GFRA2: variants seen among roughly 807,000 people sequenced by gnomAD.
GFRA2 encodes the protein GDNF family receptor alpha 2.
In GFRA2, 17 loss-of-function variants were observed where a neutral mutation model predicts 48.3. That is an observed-to-expected ratio of 0.35 (90% CI 0.24 to 0.53). The LOEUF (loss-of-function observed/expected upper bound fraction) is 0.53. GFRA2 is among the 20% of genes least tolerant of loss of function. GFRA2 has a pLI of 0.93. For missense variants in GFRA2, 660 were observed against 637.3 expected, an observed-to-expected ratio of 1.04 and a Z score of -0.38; for synonymous variants, 305 against 257.2, an observed-to-expected ratio of 1.19 and a Z score of -1.78.
At position 21,750,749 on chromosome 8, in the gene GFRA2, C is replaced by T; in HGVS notation, c.633G>A (p.Val211=). 6.2e-7 allele frequency: 1 copy of T among 1,613,992 alleles called. No individual in the cohort carries two copies. Among genetic ancestry groups the T allele is most frequent in the Non-Finnish European group, 8.5e-7 (1 of 1,179,900 alleles). Residue 211 remains valine (V), a synonymous_variant, in exon 4 of 9, where the codon GTG becomes GTA. Coordinates refer to ENST00000524240, the MANE Select transcript of GFRA2 (RefSeq NM_001495.5). The surrounding 1 kb of genome is among the most constrained non-coding windows in gnomAD (Gnocchi z 5.7). The part of the protein sequence containing the change: ...HKALRQFFDR[V]PSEYTYRMLF... ...GCATGCGGTAGGTGTACTCGCTGGG[C>T]ACCCGGTCGAAGAACTGGCGCAGGG...
At chr8:21,700,459 A>G (rs555871331) in intron 7 of GFRA2, among the ~76,000 whole-genome samples, 4 of 152,310 alleles carry the variant, frequency 2.6e-5, no homozygotes, top group South Asian at 2.1e-4. Context: ...AGACTCCCAC[A>G]GCCCCACTGA....
chr8:21,754,509 T>C (rs10112055), intron 3 of GFRA2, among the ~76,000 whole-genome samples: 13 of 143,402 alleles, frequency 9.1e-5, no homozygotes, highest in African/African-American at 1.8e-4. Flanking sequence ...TTTTTTCTTT[T>C]TTTTTTTTTT....
At chr8:21,712,163 T>C (rs1334152805) in intron 4 of GFRA2, among the ~76,000 whole-genome samples, 3 of 151,754 alleles carry the variant, frequency 2.0e-5, no homozygotes, top group Admixed American at 1.3e-4. Flanking sequence ...AAACCGCCAT[T>C]GTCATCATGG....
At chr8:21,729,141 G>A (rs900784770) in intron 4 of GFRA2, among the ~76,000 whole-genome samples, 2 of 152,078 alleles carry the variant, frequency 1.3e-5, no homozygotes, top group Non-Finnish European at 2.9e-5. Context: ...AAACCTCTCC[G>A]CCTGGTTCTG....
chr8:21,769,142 A>G (rs1806319816), intron 3 of GFRA2: 1 of 982,150 alleles, frequency 1.0e-6, no homozygotes, highest in Non-Finnish European at 1.2e-6. Context: ...CAGTGAGGAC[A>G]CAGGTCTGAT....
At chr8:21,790,184 C>A, upstream of GFRA2, 1 of 789,942 alleles carries the variant, frequency 1.3e-6, no homozygotes, top group Non-Finnish European at 1.5e-6. Context: ...CCGGCGAGAG[C>A]GGGAGAGGCG....
chr8:21,758,013 G>A (rs1439115359), intron 3 of GFRA2, among the ~76,000 whole-genome samples: 1 of 152,098 alleles, frequency 6.6e-6, no homozygotes, highest in Non-Finnish European at 1.5e-5. Flanking sequence ...CTCGGAGGGG[G>A]AAGTCACCGG....
chr8:21,699,344 G>A (rs1194759645), intron 7 of GFRA2, among the ~76,000 whole-genome samples: 4 of 152,212 alleles, frequency 2.6e-5, no homozygotes, highest in Non-Finnish European at 5.9e-5. Context: ...GGGCCTTGGG[G>A]CAGTCTCTCA....
Position 21,693,147 on chromosome 8 carries a change from T to C in GFRA2, c.*131A>G, listed in dbSNP as rs937874340. 11 of 809,754 alleles carry C rather than the reference T, an allele frequency of 1.4e-5. No homozygotes were observed. In the Admixed American group the frequency reaches 2.6e-4, roughly 19 times the overall value. The allele number at this position is 809,754 out of a possible 1,614,324, so 50.2% of individuals were successfully genotyped here. On this transcript the variant is annotated 3_prime_UTR_variant, in exon 9 of 9. Coordinates refer to ENST00000524240, the MANE Select transcript of GFRA2 (RefSeq NM_001495.5). ...GAGAAGAAACCTGGGAGGAGACAGGTTCAGCGACAAGGTGGGAAAAACAAT... is the reference window on the plus strand; with the variant it reads ...GAGAAGAAACCTGGGAGGAGACAGGCTCAGCGACAAGGTGGGAAAAACAAT...
chr8:21,705,896 G>A (rs2117371425), intron 5 of GFRA2, 36 bp downstream of exon 5: 2 of 1,392,586 alleles, frequency 1.4e-6, no homozygotes, highest in Non-Finnish European at 2.0e-6. Context: ...GGGGCAGCAA[G>A]GACCCACAGA....
intron 7 of GFRA2, among the ~76,000 whole-genome samples, chr8:21,702,209 G>A (rs1039859215): frequency 1.3e-5 from 2 of 152,202 alleles, no homozygotes; most frequent in African/African-American, 2.4e-5. Flanking sequence ...ATCAGGAGGG[G>A]AGCTAAGTGG....
At chr8:21,775,870 C>G (rs1276501926) in intron 2 of GFRA2, among the ~76,000 whole-genome samples, 4 of 152,170 alleles carry the variant, frequency 2.6e-5, no homozygotes, top group Non-Finnish European at 5.9e-5. Flanking sequence ...AGGGCTCCCC[C>G]AAAGACCCCA....
At chr8:21,739,842 C>T (rs889369241) in intron 4 of GFRA2, among the ~76,000 whole-genome samples, 1 of 152,234 alleles carries the variant, frequency 6.6e-6, no homozygotes, top group Non-Finnish European at 1.5e-5. Flanking sequence ...CAAGGCTCCT[C>T]TGGGCAGCCC....
At chr8:21,793,715 C>A (rs1455772887), upstream of GFRA2, among the ~76,000 whole-genome samples, 1 of 152,074 alleles carries the variant, frequency 6.6e-6, no homozygotes, top group Non-Finnish European at 1.5e-5. Context: ...TCCAGCACCC[C>A]CAACTGGTCA....
At chr8:21,732,262 G>C (rs923430536) in intron 4 of GFRA2, among the ~76,000 whole-genome samples, 2 of 152,238 alleles carry the variant, frequency 1.3e-5, no homozygotes, top group African/African-American at 4.8e-5. Flanking sequence ...AGGAAGTCTG[G>C]TTGTGTCTGT....
chr8:21,792,707 G>C (rs758173386), upstream of GFRA2, among the ~76,000 whole-genome samples: 1 of 152,202 alleles, frequency 6.6e-6, no homozygotes, highest in Non-Finnish European at 1.5e-5. Context: ...GGTAGAATTT[G>C]GCTGAGCACA....
rs191345290 is a variant in GFRA2 at position 21,731,666 on chromosome 8, C to T, written c.794+18922G>A. On this transcript the variant is annotated intron_variant, in intron 4 of 8. Coordinates refer to ENST00000524240, the MANE Select transcript of GFRA2 (RefSeq NM_001495.5). ...AAAGTCTAACGGCTCCTCGTGCATACATAATTCCAACGCGTTCAATTATCT... is the reference window on the plus strand; with the variant it reads ...AAAGTCTAACGGCTCCTCGTGCATATATAATTCCAACGCGTTCAATTATCT... 5.1e-4 allele frequency among the ~76,000 whole-genome samples: 78 copies of T among 152,214 alleles called. 1 individual carries two copies. The East Asian group carries it at 0.013, about 26-fold the overall frequency.
At chr8:21,787,123 C>A (rs1459624993) in intron 1 of GFRA2, among the ~76,000 whole-genome samples, 1 of 152,176 alleles carries the variant, frequency 6.6e-6, no homozygotes. Flanking sequence ...CCTCACCTCC[C>A]TCCGGAGATT....
intron 3 of GFRA2, among the ~76,000 whole-genome samples, chr8:21,771,072 G>A (rs1806415413): frequency 6.6e-6 from 1 of 152,058 alleles, no homozygotes; most frequent in African/African-American, 2.4e-5. Context: ...CTGCGCCAAG[G>A]CTGGCTCAGT....
Sources: allele counts gnomAD v4.1 joint callset (sites outside exome capture counted in the v4.1 genomes callset), GRCh38; gene constraint gnomAD v4.1.1; non-coding constraint Gnocchi (gnomAD v3.1); transcripts MANE v1.5; gene names NCBI Gene and HGNC (gene_info 2026-07-23, HGNC 2026-07-21).